PLK1: variants seen among roughly 807,000 people sequenced by gnomAD.
The protein encoded by PLK1 is polo like kinase 1.
A neutral mutation model predicts 56.7 loss-of-function variants in PLK1; 6 were observed. The observed-to-expected ratio is 0.11, with a 90% confidence interval of 0.06 to 0.21. PLK1 has a LOEUF of 0.21. Among genes scored for constraint, PLK1 ranks in the 10% least tolerant of loss-of-function variants. The probability of loss-of-function intolerance (pLI) is 1.00; values close to 1 mark genes in which losing one functional copy is unlikely to be tolerated. For synonymous variants in PLK1, 298 were observed against 325.0 expected (o/e 0.92, Z 0.89); for missense variants, 546 against 814.4 (o/e 0.67, Z 4.01).
rs1442748968 is a variant in PLK1, at chr16:23,689,609, G to C, written c.1541G>C (p.Trp514Ser). Reference protein sequence around the residue: ...ELARLPYLRTWFRTRSAIILH... With the variant: ...ELARLPYLRTSFRTRSAIILH... ...GCCCGGCTGCCCTACCTACGGACCT[G>C]GTTCCGCACCCGCAGCGCCATCATC... Residue 514 changes from tryptophan to serine, a missense_variant, in exon 9 of 10, where the codon TGG becomes TCG. Physicochemically the swap from Trp to Ser is radical, Grantham distance 177. This residue lies in a region of PLK1 where 113 missense variants were observed against 202.0 expected (regional missense o/e 0.56). Coordinates refer to ENST00000300093, the MANE Select transcript of PLK1 (RefSeq NM_005030.6). This position sits in a 1 kb window ranked among gnomAD's most constrained non-coding sequence, Gnocchi z 4.8. 1 of 1,613,140 alleles carries C rather than the reference G, an allele frequency of 6.2e-7. No individual in the cohort carries two copies. Among genetic ancestry groups the C allele is most frequent in the African/African-American group, 1.3e-5 (1 of 74,936 alleles).
chr16:23,688,247 T>C (rs1959459653), intron 6 of PLK1, among the ~76,000 whole-genome samples: 1 of 152,254 alleles, frequency 6.6e-6, no homozygotes, highest in Admixed American at 6.5e-5. Context: ...ACTAGATGCC[T>C]CTGACTCTTA....
chr16:23,684,709 T>G (rs1959396584), intron 5 of PLK1, among the ~76,000 whole-genome samples: 1 of 152,078 alleles, frequency 6.6e-6, no homozygotes, highest in Non-Finnish European at 1.5e-5. Context: ...AATTTCCTTT[T>G]TTTTGTGGCG....
At chr16:23,687,651 G>A (rs768650198) in intron 6 of PLK1, 27 bp downstream of exon 6, 1 of 1,502,208 alleles carries the variant, frequency 6.7e-7, no homozygotes, top group East Asian at 2.5e-5. Flanking sequence ...CCTGGGCGGG[G>A]CAGGATTGCT....
At chr16:23,688,839 T>C (rs1959477064) in intron 7 of PLK1, 94 bp downstream of exon 7, 1 of 854,578 alleles carries the variant, frequency 1.2e-6, no homozygotes, top group Admixed American at 1.7e-5. Flanking sequence ...TCCCAGGTAC[T>C]GTTCTCAGTG....
rs201917870 is a variant in PLK1 at position 23,689,415 on chromosome 16, G to A, written c.1425+23G>A. ...AAGGTGAGTGCCGTCCGGCCCATGG[G>A]GGGTGGTGTTGCAGAAGTGGGACCT... On this transcript the variant is annotated intron_variant, in intron 8 of 9. Coordinates refer to ENST00000300093, the MANE Select transcript of PLK1 (RefSeq NM_005030.6). The surrounding 1 kb of genome is among the most constrained non-coding windows in gnomAD (Gnocchi z 4.8). 1.8e-5 allele frequency: 29 copies of A among 1,602,564 alleles called. No homozygotes were observed. Among genetic ancestry groups the A allele is most frequent in the Admixed American group, 6.7e-5 (4 of 59,854 alleles).
intron 5 of PLK1, among the ~76,000 whole-genome samples, chr16:23,684,345 T>C (rs991610593): frequency 1.1e-4 from 17 of 152,150 alleles, no homozygotes; most frequent in African/African-American, 4.1e-4. Flanking sequence ...TTCTTTCAAA[T>C]CACTTTAATT....
rs1424803442 is a variant in PLK1 at position 23,688,537 on chromosome 16, C to G, written c.1193-131C>G. The G allele has an allele frequency of 5.4e-6, 4 of 738,290 alleles. No individual in the cohort carries two copies. In the African/African-American group the frequency reaches 6.9e-5, roughly 13 times the overall value. The allele number at this position is 738,290 out of a possible 1,614,324, so 45.7% of individuals were successfully genotyped here. Reference sequence around the variant, plus strand: ...CCCTGCTTTGCTCTTCTCTGGGGCCCTAGGCCTCTCAACTGAGCCCAGGTG... The same window carrying G: ...CCCTGCTTTGCTCTTCTCTGGGGCCGTAGGCCTCTCAACTGAGCCCAGGTG... On this transcript the variant is annotated intron_variant, in intron 6 of 9. Coordinates refer to ENST00000300093, the MANE Select transcript of PLK1 (RefSeq NM_005030.6).
At position 23,683,559 on chromosome 16, in the gene PLK1, A is replaced by G. The variant is rs372638980; in HGVS notation, c.817-311A>G. 3.3e-5 allele frequency among the ~76,000 whole-genome samples: 5 copies of G among 152,236 alleles called. No individual in the cohort carries two copies. The East Asian group carries it at 9.7e-4, about 29-fold the overall frequency. On this transcript the variant is annotated intron_variant, in intron 4 of 9. Transcript: ENST00000300093. ...GAAAAAGGGATGATAATAGATCCCC[A>G]CCCCTTAGATGAGTTGGTGAGGGCT...
At position 23,690,268 on chromosome 16, in the gene PLK1, T is replaced by C. The variant is rs1959528624; in HGVS notation, c.*205T>C. 1 of 598,578 alleles carries C rather than the reference T, an allele frequency of 1.7e-6. No homozygotes were observed. Among genetic ancestry groups the C allele is most frequent in the Non-Finnish European group, 3.0e-6 (1 of 333,670 alleles). 37.1% of individuals were successfully genotyped at this position (598,578 alleles called of 1,614,324 possible). On this transcript the variant is annotated 3_prime_UTR_variant, in exon 10 of 10. Coordinates refer to ENST00000300093, the MANE Select transcript of PLK1 (RefSeq NM_005030.6). The stretch of plus-strand genomic sequence containing the variant: ...TGTGGGTTCTACAGCCTTGTCCCCC[T>C]CCCCCTCAACCCCACCATATGAATT...
At chr16:23,688,263 A>G (rs1959460108) in intron 6 of PLK1, among the ~76,000 whole-genome samples, 1 of 152,212 alleles carries the variant, frequency 6.6e-6, no homozygotes, top group African/African-American at 2.4e-5. Context: ...TCTTACCATG[A>G]TAGAAGTCAC....
chr16:23,689,559 C>T lies in PLK1; in HGVS notation c.1491C>T (p.Ile497=), dbSNP rs1959502801. 1 of 1,613,650 alleles carries T rather than the reference C, an allele frequency of 6.2e-7. No individual in the cohort carries two copies. The highest frequency in any genetic ancestry group is 1.7e-5 in the Admixed American group (1 of 60,000). ...SEHLLKAGAN[I]TPREGDELAR... is the part of the protein sequence containing the mutation. ...ACTTGCTGAAGGCAGGTGCCAACAT[C>T]ACGCCGCGCGAAGGTGATGAGCTCG... The change falls in exon 9 of 10, where the codon ATC becomes ATT. Residue 497 remains isoleucine, a synonymous_variant. Transcript: ENST00000300093. The surrounding 1 kb of genome is among the most constrained non-coding windows in gnomAD (Gnocchi z 4.8).
chr16:23,679,357 G>A lies in PLK1; in HGVS notation c.408+17G>A. 1 of 1,602,734 alleles carries A rather than the reference G, an allele frequency of 6.2e-7. No homozygotes were observed. Among genetic ancestry groups the A allele is most frequent in the Non-Finnish European group, 8.5e-7 (1 of 1,173,696 alleles). ...CGCCGGAGGGTGAGTGTCGCTGCTG[G>A]GGAACTGGAACTGCCTGCGGGGCAG... On this transcript the variant is annotated intron_variant, in intron 1 of 9. Coordinates refer to ENST00000300093, the MANE Select transcript of PLK1 (RefSeq NM_005030.6).
At chr16:23,679,884 G>A in intron 1 of PLK1, 200 bp from the exon 2 acceptor site, 1 of 554,086 alleles carries the variant, frequency 1.8e-6, no homozygotes, top group East Asian at 2.9e-5. Flanking sequence ...ACAGTGTTAA[G>A]GCAGGGTCCA....
intron 1 of PLK1, 34 bp from the exon 2 acceptor site, chr16:23,680,050 C>G (rs768104664): frequency 6.5e-7 from 1 of 1,547,706 alleles, no homozygotes; most frequent in African/African-American, 1.4e-5. Context: ...AATCCACCTC[C>G]CCATCCCTCC....
chr16:23,687,798 T>A (rs943374784), intron 6 of PLK1, 174 bp downstream of exon 6: 3 of 419,048 alleles, frequency 7.2e-6, no homozygotes, highest in Admixed American at 4.4e-5. Flanking sequence ...CTGCCGCCTT[T>A]TCTGATCCGT....
chr16:23,689,395 G>T lies in PLK1; in HGVS notation c.1425+3G>T. 3 of 1,607,226 alleles carry T rather than the reference G, an allele frequency of 1.9e-6. No individual in the cohort carries two copies. The highest frequency in any genetic ancestry group is 2.6e-6 in the Non-Finnish European group (3 of 1,174,084). On this transcript the variant is annotated splice_donor_region_variant and intron_variant, in intron 8 of 9. Coordinates refer to ENST00000300093, the MANE Select transcript of PLK1 (RefSeq NM_005030.6). This position sits in a 1 kb window ranked among gnomAD's most constrained non-coding sequence, Gnocchi z 4.8. The stretch of plus-strand genomic sequence containing the variant: ...ATCCCAACTCCTTGATGAAGAAGGT[G>T]AGTGCCGTCCGGCCCATGGGGGGTG...
chr16:23,683,736 G>A (rs1481110143), intron 4 of PLK1, 134 bp from the exon 5 acceptor site: 8 of 726,714 alleles, frequency 1.1e-5, no homozygotes, highest in Middle Eastern at 3.6e-4. Context: ...GAACCAAGTT[G>A]TGAACCACTG....
chr16:23,679,115 G>A lies in PLK1; in HGVS notation c.183G>A (p.Lys61=), dbSNP rs751172675. The A allele has an allele frequency of 6.2e-7, 1 of 1,610,576 alleles. No individual in the cohort carries two copies. Among genetic ancestry groups the A allele is most frequent in the Non-Finnish European group, 8.5e-7 (1 of 1,177,272 alleles). The change falls in exon 1 of 10, where the codon AAG becomes AAA. Residue 61 remains lysine (K), a synonymous_variant. Transcript: ENST00000300093. ...RRYVRGRFLG[K]GGFAKCFEIS... ...ATGTGCGGGGCCGCTTTTTGGGCAA[G>A]GGCGGCTTTGCCAAGTGCTTCGAGA...
rs1597133850 is a variant in PLK1 at position 23,680,142 on chromosome 16, A to T, written c.467A>T (p.Tyr156Phe). 6.2e-7 allele frequency: 1 copy of T among 1,613,786 alleles called. No individual in the cohort carries two copies. The highest frequency in any genetic ancestry group is 1.1e-5 in the South Asian group (1 of 91,082). The stretch of plus-strand genomic sequence containing the variant: ...CTGACTGAGCCTGAGGCCCGATACT[A>T]CCTACGGCAAATTGTGCTTGGCTGC... ...KALTEPEARY[Y>F]LRQIVLGCQY... is the part of the protein sequence containing the mutation. The change falls in exon 2 of 10, where the codon TAC (tyrosine) becomes TTC (phenylalanine). Residue 156 changes from tyrosine (Y) to phenylalanine (F), a missense_variant. Physicochemically the swap from Tyr to Phe is conservative, Grantham distance 22. Coordinates refer to ENST00000300093, the MANE Select transcript of PLK1 (RefSeq NM_005030.6).
Sources: allele counts gnomAD v4.1 joint callset (sites outside exome capture counted in the v4.1 genomes callset), GRCh38; gene constraint gnomAD v4.1.1; regional missense constraint gnomAD v4.1.1; non-coding constraint Gnocchi (gnomAD v3.1); transcripts MANE v1.5; gene names NCBI Gene and HGNC (gene_info 2026-07-23, HGNC 2026-07-21).